The following RICTOR variants were observed in gnomAD, a reference collection of about 807,000 sequenced individuals.
RICTOR encodes RPTOR independent companion of MTOR complex 2.
A neutral mutation model predicts 214.9 loss-of-function variants in RICTOR; 49 were observed. The observed-to-expected ratio is 0.23, with a 90% CI of 0.18 to 0.29. The LOEUF (loss-of-function observed/expected upper bound fraction) is 0.29. Ranked by LOEUF, RICTOR falls within the 10% of genes least tolerant of loss-of-function variation. The pLI, the probability that RICTOR is intolerant of heterozygous loss-of-function variation, is 1.00. For missense variants in RICTOR, 1,625 were observed against 2,047.0 expected, an observed-to-expected ratio of 0.79 and a Z score of 3.98; for synonymous variants, 717 against 711.3, an observed-to-expected ratio of 1.01 and a Z score of -0.13.
intron 2 of RICTOR, among the ~76,000 whole-genome samples, chr5:39,052,881 C>A (rs1757947047): frequency 6.6e-6 from 1 of 152,166 alleles, no homozygotes; most frequent in African/African-American, 2.4e-5. Flanking sequence ...TGATCTTCAC[C>A]TACACTATTG....
In RICTOR at chr5:39,021,487, T is replaced by A. The variant is rs144076350; in HGVS notation, c.98-351A>T. 1.5e-3 allele frequency among the ~76,000 whole-genome samples: 236 copies of A among 152,308 alleles called. 2 individuals carry two copies. The highest frequency in any genetic ancestry group is 5.5e-3 in the African/African-American group (227 of 41,552). On this transcript the variant is annotated intron_variant, in intron 2 of 37. Coordinates refer to ENST00000357387, the MANE Select transcript of RICTOR (RefSeq NM_152756.5). ...TGGGACCTTTAAGAGGTGATTAGGT[T>A]ATGAAGGCTCTGCCCCCATGAATGG...
At position 39,021,885 on chromosome 5, in the gene RICTOR, G is replaced by A. The variant is rs554972559; in HGVS notation, c.98-749C>T. On this transcript the variant is annotated intron_variant, in intron 2 of 37. Transcript: ENST00000357387. ...ATGGCTACAGTGTAGTAAAAGGGACGAAATATACTGTCCCTGTTTGAGTAA... is the reference window on the plus strand; with the variant it reads ...ATGGCTACAGTGTAGTAAAAGGGACAAAATATACTGTCCCTGTTTGAGTAA... Among the ~76,000 whole-genome samples the A allele has an allele frequency of 1.8e-4, 27 of 152,264 alleles. No homozygotes were observed. In the Middle Eastern group the frequency reaches 0.01, roughly 58 times the overall value.
chr5:38,958,854 T>TAAA, intron 22 of RICTOR, 23 bp from the exon 23 acceptor site: 10 of 1,248,294 alleles, frequency 8.0e-6, no homozygotes, highest in South Asian at 3.5e-5. Context: ...ATGAATACAT[T>TAAA]AAAAAAAAAA....
intron 2 of RICTOR, among the ~76,000 whole-genome samples, chr5:39,031,033 CATT>C (rs1756237274): frequency 6.6e-6 from 1 of 152,158 alleles, no homozygotes; most frequent in Non-Finnish European, 1.5e-5. Context: ...TAGTTCCTGT[CATT>C]ATCTCTTCTT....
intron 3 of RICTOR, among the ~76,000 whole-genome samples, chr5:39,006,239 C>T (rs1056026363): frequency 6.6e-5 from 10 of 152,176 alleles, no homozygotes; most frequent in African/African-American, 2.2e-4. Context: ...TATTGTTGCC[C>T]GAGCAGCTTC....
At chr5:38,952,564 A>C (rs950055215) in intron 29 of RICTOR, 139 bp from the exon 30 acceptor site, 1 of 525,734 alleles carries the variant, frequency 1.9e-6, no homozygotes, top group African/African-American at 2.0e-5. Flanking sequence ...AAAAAAAAAA[A>C]CTTATTAAGA....
chr5:38,978,740 A>C lies in RICTOR; in HGVS notation c.754-90T>G, dbSNP rs533459428. On this transcript the variant is annotated intron_variant, in intron 8 of 37. Coordinates refer to ENST00000357387, the MANE Select transcript of RICTOR (RefSeq NM_152756.5). ...GGAATGTAACATTCCATTTCTCTCT[A>C]TCTTTAATGGGTTTACTGCTTGGGG... is the stretch of plus-strand genomic sequence containing the variant. 18 of 617,564 alleles carry C rather than the reference A, an allele frequency of 2.9e-5. No individual in the cohort carries two copies. In the East Asian group the frequency reaches 4.8e-4, roughly 16 times the overall value. The allele number at this position is 617,564 out of a possible 1,614,324, so 38.3% of individuals were successfully genotyped here.
intron 6 of RICTOR, among the ~76,000 whole-genome samples, chr5:38,995,355 C>A (rs1028736612): frequency 5.3e-5 from 8 of 151,972 alleles, no homozygotes; most frequent in South Asian, 2.1e-4. Flanking sequence ...ATAAGCAGAG[C>A]TAAACTATGA....
At chr5:39,056,556 G>A (rs61003663) in intron 2 of RICTOR, among the ~76,000 whole-genome samples, 1 of 152,192 alleles carries the variant, frequency 6.6e-6, no homozygotes, top group African/African-American at 2.4e-5. Flanking sequence ...AGGATCACTT[G>A]AGTCCAGGAG....
intron 3 of RICTOR, among the ~76,000 whole-genome samples, chr5:39,007,808 A>G (rs1343022261): frequency 6.6e-6 from 1 of 150,646 alleles, no homozygotes; most frequent in Non-Finnish European, 1.5e-5. Context: ...TTCAGAAAAT[A>G]GTTTTAAATA....
intron 2 of RICTOR, among the ~76,000 whole-genome samples, chr5:39,024,555 A>G (rs1755664991): frequency 1.3e-5 from 2 of 152,224 alleles, no homozygotes; most frequent in African/African-American, 4.8e-5. Flanking sequence ...TAGATAATTT[A>G]GGACCTATGG....
chr5:38,995,657 A>T (rs1190122507), intron 6 of RICTOR, among the ~76,000 whole-genome samples: 1 of 152,156 alleles, frequency 6.6e-6, no homozygotes, highest in African/African-American at 2.4e-5. Flanking sequence ...TATATATTTT[A>T]GTCCCTAACA....
chr5:38,976,233 T>C (rs908033334), intron 9 of RICTOR, among the ~76,000 whole-genome samples: 5 of 152,192 alleles, frequency 3.3e-5, no homozygotes, highest in Admixed American at 2.6e-4. Context: ...CAATACTTAA[T>C]AGCAATTTTG....
At chr5:38,952,666 C>CATG (rs1174336355) in intron 29 of RICTOR, among the ~76,000 whole-genome samples, 1 of 151,762 alleles carries the variant, frequency 6.6e-6, no homozygotes, top group Non-Finnish European at 1.5e-5. Flanking sequence ...CACAATGCAA[C>CATG]ATGAGCAAAA....
rs139722850 is a variant in RICTOR at position 39,023,934 on chromosome 5, T to C, written c.98-2798A>G. On this transcript the variant is annotated intron_variant, in intron 2 of 37. Transcript: ENST00000357387. Reference sequence around the variant, plus strand: ...TATTTTTAATGTAAATAAAATTCAATCTTAAGTGATTTAGTGTGGCAGTCC... The same window carrying C: ...TATTTTTAATGTAAATAAAATTCAACCTTAAGTGATTTAGTGTGGCAGTCC... Among the ~76,000 whole-genome samples, 238 of 152,324 alleles carry C rather than the reference T, an allele frequency of 1.6e-3. 2 individuals are homozygous for C. Among genetic ancestry groups the C allele is most frequent in the African/African-American group, 5.5e-3 (227 of 41,576 alleles).
chr5:38,990,809 A>AGATATAT (rs763177598), intron 7 of RICTOR, 140 bp downstream of exon 7: 2,605 of 108,266 alleles, frequency 0.024, 258 homozygotes, highest in Middle Eastern at 0.044. Context: ...GATATATATG[A>AGATATAT]GATATATGAG....
intron 2 of RICTOR, among the ~76,000 whole-genome samples, chr5:39,034,952 G>A (rs2150157037): frequency 6.6e-6 from 1 of 152,332 alleles, no homozygotes; most frequent in Middle Eastern, 3.4e-3. Flanking sequence ...CTATCTGACA[G>A]CTTTGAAGAG....
intron 10 of RICTOR, among the ~76,000 whole-genome samples, chr5:38,973,966 C>A (rs1333849127): frequency 1.3e-5 from 2 of 149,854 alleles, no homozygotes; most frequent in Non-Finnish European, 2.9e-5. Context: ...TTCCACGAGA[C>A]AAATGCTTTC....
rs907325264 is a variant in RICTOR, at chr5:38,968,002, A to G, written c.1001T>C (p.Ile334Thr). The change falls in exon 12 of 38, where the codon ATA becomes ACA. Residue 334 changes from isoleucine (I) to threonine (T), a missense_variant. This residue lies in a region of RICTOR where 258 missense variants were observed against 393.7 expected (regional missense o/e 0.66). Transcript: ENST00000357387. ...CACAACAGGTAGAGGAAGACGAAAT[A>G]TATCATAAAGCACTTCAAGTAGACC... ...RRGLLEVLYD[I>T]FRLPLPVVTE... 8 of 1,606,772 alleles carry G rather than the reference A, an allele frequency of 5.0e-6. No homozygotes were observed. Among genetic ancestry groups the G allele is most frequent in the Non-Finnish European group, 6.8e-6 (8 of 1,173,720 alleles).
Sources: allele counts gnomAD v4.1 joint callset (sites outside exome capture counted in the v4.1 genomes callset), GRCh38; gene constraint gnomAD v4.1.1; regional missense constraint gnomAD v4.1.1; transcripts MANE v1.5; gene names NCBI Gene and HGNC (gene_info 2026-07-23, HGNC 2026-07-21).